The following CSF1 variants were observed in gnomAD, a reference collection of about 807,000 sequenced individuals.
CSF1 encodes the protein colony stimulating factor 1.
In CSF1, 9 loss-of-function variants were observed where a neutral mutation model predicts 48.9. The observed-to-expected ratio is 0.18, with a 90% CI of 0.11 to 0.32. The LOEUF (loss-of-function observed/expected upper bound fraction) is 0.32, where lower values mean the gene tolerates loss of function less well. Ranked by LOEUF, CSF1 falls within the 10% of genes least tolerant of loss-of-function variation. The pLI is 1.00. For missense variants in CSF1, 672 were observed against 697.9 expected (o/e 0.96, Z 0.42); for synonymous variants, 305 against 284.1 (o/e 1.07, Z -0.74).
At chr1:109,925,304 G>A in intron 8 of CSF1, 102 bp downstream of exon 8, 1 of 929,690 alleles carries the variant, frequency 1.1e-6, no homozygotes, top group Non-Finnish European at 1.7e-6. Context: ...CCCCCACACT[G>A]ACTCCCATGC....
chr1:109,915,549 A>G, intron 2 of CSF1, 85 bp from the exon 3 acceptor site: 1 of 1,164,394 alleles, frequency 8.6e-7, no homozygotes. Context: ...TCCACTCAGA[A>G]GCTAAGGTCC....
At chr1:109,914,444 G>C in intron 2 of CSF1, 63 bp downstream of exon 2, 1 of 1,516,542 alleles carries the variant, frequency 6.6e-7, no homozygotes, top group Non-Finnish European at 8.9e-7. Flanking sequence ...GCAGGAGCCA[G>C]GGAGCAGGTC....
rs333946 is a variant in CSF1 at position 109,930,106 on chromosome 1, A to G, written c.*1268A>G. 1 allele frequency: 152,058 copies of G among 152,418 alleles called. 75,852 individuals are homozygous for G. Among genetic ancestry groups the G allele is most frequent in the Non-Finnish European group, 1 (68,108 of 68,108 alleles). 9.4% of individuals were successfully genotyped at this position (152,418 alleles called of 1,614,324 possible). A position where few individuals can be genotyped will look rare whatever the true frequency, so the allele number is the denominator to read the frequency against. On this transcript the variant is annotated 3_prime_UTR_variant, in exon 9 of 9. Coordinates refer to ENST00000329608, the MANE Select transcript of CSF1 (RefSeq NM_000757.6). ...GCTGCCGACAGGAACCTGGGGCTGA[A>G]CAGGTTATCCCTGTCAGGAGCCCTG...
At chr1:109,922,317 T>G in intron 5 of CSF1, 2 of 236,518 alleles carry the variant, frequency 8.5e-6, no homozygotes, top group Non-Finnish European at 8.2e-6. Context: ...TATGGAAGCT[T>G]TCCCCACTGG....
rs761256069 is a variant in CSF1 at position 109,924,759 on chromosome 1, C to T, written c.1570-17C>T. 5 of 1,575,766 alleles carry T rather than the reference C, an allele frequency of 3.2e-6. No individual in the cohort carries two copies. Among genetic ancestry groups the T allele is most frequent in the Non-Finnish European group, 4.3e-6 (5 of 1,160,452 alleles). On this transcript the variant is annotated splice_polypyrimidine_tract_variant and intron_variant, in intron 6 of 8. Transcript: ENST00000329608. ...ACTCCCCCAGCTCCTCAGTGAGATG[C>T]TCTTTCCTGTCCTCAGAGCCATCAA...
chr1:109,910,962 G>C lies in CSF1; in HGVS notation c.-62G>C. 1 of 1,132,974 alleles carries C rather than the reference G, an allele frequency of 8.8e-7. No individual in the cohort carries two copies. The allele number at this position is 1,132,974 out of a possible 1,614,324, so 70.2% of individuals were successfully genotyped here. ...CGGCCGGGGCGCCCACTCCGCAGCA[G>C]CCAGCGAGCGAGCGAGCGAGCGAGG... is the stretch of plus-strand genomic sequence containing the variant. On this transcript the variant is annotated 5_prime_UTR_variant, in exon 1 of 9. Transcript: ENST00000329608.
intron 4 of CSF1, among the ~76,000 whole-genome samples, chr1:109,920,334 C>G (rs1188185504): frequency 6.6e-6 from 1 of 150,880 alleles, no homozygotes; most frequent in Non-Finnish European, 1.5e-5. Flanking sequence ...GTAGTGCCAT[C>G]TCAGCTCACT....
Position 109,925,200 on chromosome 1 carries a change from A to T in CSF1, c.*11A>T, listed in dbSNP as rs1426231193. ...GAACTGCCAGTGTAGAGGGAATTCT[A>T]AGGTAAGATTCTGACTTTGATCTCC... is the stretch of plus-strand genomic sequence containing the variant. On this transcript the variant is annotated splice_region_variant and 3_prime_UTR_variant, in exon 8 of 9. Coordinates refer to ENST00000329608, the MANE Select transcript of CSF1 (RefSeq NM_000757.6). 1 of 1,613,466 alleles carries T rather than the reference A, an allele frequency of 6.2e-7. No individual in the cohort carries two copies. Among genetic ancestry groups the T allele is most frequent in the East Asian group, 2.2e-5 (1 of 44,876 alleles).
At chr1:109,926,518 G>C (rs932251368) in intron 8 of CSF1, 5 of 152,208 alleles carry the variant, frequency 3.3e-5, no homozygotes, top group African/African-American at 1.2e-4. Flanking sequence ...ATTGATGAGT[G>C]CCTGCTGTTG....
intron 4 of CSF1, among the ~76,000 whole-genome samples, chr1:109,919,903 G>A (rs561397144): frequency 6.6e-6 from 1 of 151,728 alleles, no homozygotes; most frequent in African/African-American, 2.4e-5. Context: ...AGGTTGCAGT[G>A]AGCTGAGATC....
At chr1:109,912,524 T>C (rs1250596721) in intron 1 of CSF1, among the ~76,000 whole-genome samples, 1 of 152,130 alleles carries the variant, frequency 6.6e-6, no homozygotes, top group African/African-American at 2.4e-5. Context: ...AGGCCCCAGG[T>C]CCAGGGGTAT....
At chr1:109,916,314 C>T (rs142770619) in intron 3 of CSF1, among the ~76,000 whole-genome samples, 1 of 152,296 alleles carries the variant, frequency 6.6e-6, no homozygotes, top group East Asian at 1.9e-4. Context: ...TTCTAGTTCA[C>T]TCCTCATCTT....
intron 6 of CSF1, 139 bp downstream of exon 6, chr1:109,924,329 G>C (rs767522630): frequency 1.4e-6 from 1 of 718,794 alleles, no homozygotes; most frequent in African/African-American, 1.8e-5. Flanking sequence ...TCAGCACAGA[G>C]GATGAGAGGT....
intron 4 of CSF1, 64 bp downstream of exon 4, chr1:109,917,527 T>C (rs1434197545): frequency 2.7e-6 from 4 of 1,497,566 alleles, no homozygotes; most frequent in Non-Finnish European, 3.7e-6. Context: ...GGCGCCGCTC[T>C]ATCCACAGGC....
Position 109,923,217 on chromosome 1 carries a change from G to A in CSF1, c.596G>A (p.Ser199Asn), listed in dbSNP as rs760559037. The A allele has an allele frequency of 6.4e-7, 1 of 1,553,818 alleles. No homozygotes were observed. Among genetic ancestry groups the A allele is most frequent in the Admixed American group, 2.0e-5 (1 of 50,334 alleles). Reference sequence around the variant, plus strand: ...TGCCTGTACCCCAAAGCCATCCCTAGCAGTGACCCGGCCTCTGTCTCCCCT... The same window carrying A: ...TGCCTGTACCCCAAAGCCATCCCTAACAGTGACCCGGCCTCTGTCTCCCCT... Reference protein sequence around the residue: ...CNCLYPKAIPSSDPASVSPHQ... With the variant: ...CNCLYPKAIPNSDPASVSPHQ... Residue 199 changes from serine (S) to asparagine (N), a missense_variant, in exon 6 of 9, where the codon AGC becomes AAC. Around this residue, in one of 3 missense-constraint regions of CSF1, gnomAD observed 591 missense variants for 593.6 expected, o/e 1.00. Coordinates refer to ENST00000329608, the MANE Select transcript of CSF1 (RefSeq NM_000757.6).
At position 109,913,758 on chromosome 1, in the gene CSF1, G is replaced by A. The variant is rs761295313; in HGVS notation, c.40-501G>A. ...ATCCCACAGTTTTTCCAGTGGCAGA[G>A]CCAGATCTGCATGGAACCAGGTGGG... On this transcript the variant is annotated intron_variant, in intron 1 of 8. Transcript: ENST00000329608. Among the ~76,000 whole-genome samples the A allele has an allele frequency of 4.6e-5, 7 of 152,352 alleles. No individual in the cohort carries two copies. In the South Asian group the frequency reaches 1.0e-3, roughly 23 times the overall value.
chr1:109,924,851 T>C (rs1175016343), intron 7 of CSF1, 23 bp downstream of exon 7: 2 of 1,600,152 alleles, frequency 1.2e-6, no homozygotes, highest in East Asian at 2.3e-5. Context: ...GGTGGGGCTC[T>C]GGGAGGCACT....
At position 109,914,636 on chromosome 1, in the gene CSF1, C is replaced by T. The variant is rs143631966; in HGVS notation, c.162+255C>T. On this transcript the variant is annotated intron_variant, in intron 2 of 8. Coordinates refer to ENST00000329608, the MANE Select transcript of CSF1 (RefSeq NM_000757.6). ...ATGCTGTGGGCTTCCAGCTGCTTGC[C>T]TGGGTTAGTGATTGCCCAGGAACAT... Among the ~76,000 whole-genome samples the T allele has an allele frequency of 3.3e-5, 5 of 152,374 alleles. No individual in the cohort carries two copies. In the East Asian group the frequency reaches 9.6e-4, roughly 29 times the overall value.
intron 4 of CSF1, among the ~76,000 whole-genome samples, chr1:109,918,991 CAG>C (rs143041877): frequency 0.021 from 3,134 of 152,052 alleles, 113 homozygotes; most frequent in East Asian, 0.15. Context: ...AGGGAGAGTG[CAG>C]AGTCGAGGCA....
Sources: allele counts gnomAD v4.1 joint callset (sites outside exome capture counted in the v4.1 genomes callset), GRCh38; gene constraint gnomAD v4.1.1; regional missense constraint gnomAD v4.1.1; transcripts MANE v1.5; gene names NCBI Gene and HGNC (gene_info 2026-07-23, HGNC 2026-07-21).